The following CAPRIN1 variants were observed in gnomAD, a reference collection of about 807,000 sequenced individuals.
CAPRIN1 encodes the protein cell cycle associated protein 1, also known as caprin-1.
Under a neutral mutation model 100.9 loss-of-function variants are expected in CAPRIN1, and 29 were observed. The ratio of observed to expected loss-of-function variants is 0.29; its 90% CI spans 0.21 to 0.39. CAPRIN1 has a LOEUF of 0.39. Ranked by LOEUF, CAPRIN1 falls within the 10% of genes least tolerant of loss-of-function variation. The pLI is 1.00. For missense variants in CAPRIN1, 795 were observed against 876.7 expected (o/e 0.91, Z 1.18); for synonymous variants, 338 against 307.5 (o/e 1.10, Z -1.04).
intron 4 of CAPRIN1, among the ~76,000 whole-genome samples, chr11:34,075,014 C>G (rs1186462482): frequency 6.6e-6 from 1 of 151,968 alleles, no homozygotes; most frequent in Admixed American, 6.6e-5. Flanking sequence ...TAGACCTTGC[C>G]TCAAAAAACT....
chr11:34,087,075 A>G (rs1412947179), intron 11 of CAPRIN1, among the ~76,000 whole-genome samples: 1 of 152,218 alleles, frequency 6.6e-6, no homozygotes, highest in Non-Finnish European at 1.5e-5. Flanking sequence ...AGCACTAAAT[A>G]CAGTTGGTGC....
At chr11:34,078,045 C>G (rs1203921544) in intron 6 of CAPRIN1, among the ~76,000 whole-genome samples, 1 of 152,068 alleles carries the variant, frequency 6.6e-6, no homozygotes, top group East Asian at 1.9e-4. Context: ...TATTTTCTAC[C>G]TAATCTTGTT....
intron 2 of CAPRIN1, among the ~76,000 whole-genome samples, chr11:34,062,019 T>C (rs929785365): frequency 2.6e-5 from 4 of 151,900 alleles, no homozygotes; most frequent in African/African-American, 7.3e-5. Flanking sequence ...TTAATAGTCT[T>C]TGTTTTCTGG....
At chr11:34,073,020 G>A (rs937584953) in intron 4 of CAPRIN1, among the ~76,000 whole-genome samples, 16 of 152,282 alleles carry the variant, frequency 1.1e-4, no homozygotes, top group African/African-American at 2.9e-4. Context: ...TATCTAGGCC[G>A]TGTAAGTACA....
At chr11:34,085,703 C>T (rs1851125433) in intron 9 of CAPRIN1, among the ~76,000 whole-genome samples, 1 of 152,082 alleles carries the variant, frequency 6.6e-6, no homozygotes, top group Non-Finnish European at 1.5e-5. Context: ...ACCTGAGAGG[C>T]TGAGGCAGGA....
intron 15 of CAPRIN1, chr11:34,095,856 G>A (rs1851359019): frequency 6.6e-6 from 1 of 152,198 alleles, no homozygotes; most frequent in Non-Finnish European, 1.5e-5. Context: ...GCCAATGTGA[G>A]TACCATGTGA....
intron 15 of CAPRIN1, among the ~76,000 whole-genome samples, chr11:34,093,684 A>G (rs1851307648): frequency 6.6e-6 from 1 of 152,130 alleles, no homozygotes; most frequent in African/African-American, 2.4e-5. Context: ...CCAAATGATA[A>G]AAACTAGTGG....
chr11:34,097,096 C>T, intron 16 of CAPRIN1, 100 bp from the exon 17 acceptor site: 3 of 809,508 alleles, frequency 3.7e-6, no homozygotes, highest in Non-Finnish European at 6.2e-6. Context: ...ATTAACTAGC[C>T]TGGCTTATAA....
intron 6 of CAPRIN1, among the ~76,000 whole-genome samples, chr11:34,079,275 C>G (rs1012188878): frequency 7.0e-4 from 106 of 152,230 alleles, no homozygotes; most frequent in African/African-American, 2.4e-3. Flanking sequence ...TGGTACACGC[C>G]TGTAATCTCA....
intron 9 of CAPRIN1, among the ~76,000 whole-genome samples, chr11:34,085,342 T>C (rs561063763): frequency 1.3e-5 from 2 of 152,332 alleles, no homozygotes; most frequent in African/African-American, 4.8e-5. Flanking sequence ...CAAATCTTGA[T>C]GATAATAATA....
At chr11:34,088,128 C>G (rs1216433524) in intron 11 of CAPRIN1, among the ~76,000 whole-genome samples, 1 of 152,092 alleles carries the variant, frequency 6.6e-6, no homozygotes, top group African/African-American at 2.4e-5. Flanking sequence ...TCAGCCTCCC[C>G]AGTAGCTGAA....
At chr11:34,067,988 A>T (rs997316851) in intron 2 of CAPRIN1, among the ~76,000 whole-genome samples, 2 of 152,186 alleles carry the variant, frequency 1.3e-5, no homozygotes, top group Non-Finnish European at 2.9e-5. Flanking sequence ...AGGGATTAAA[A>T]CCATGATTTT....
chr11:34,097,336 A>G (rs369618767), intron 17 of CAPRIN1, 40 bp downstream of exon 17: 5 of 1,417,680 alleles, frequency 3.5e-6, no homozygotes, highest in African/African-American at 2.8e-5. Flanking sequence ...TGAACTAAAT[A>G]TACCAATGAA....
intron 11 of CAPRIN1, among the ~76,000 whole-genome samples, chr11:34,088,205 A>G (rs1851189187): frequency 1.3e-5 from 2 of 151,890 alleles, no homozygotes; most frequent in Admixed American, 6.5e-5. Flanking sequence ...GGGTTTCACC[A>G]TGTTGGCCAG....
intron 2 of CAPRIN1, among the ~76,000 whole-genome samples, chr11:34,067,357 TATTTC>T (rs1341415028): frequency 6.6e-6 from 1 of 152,238 alleles, no homozygotes; most frequent in African/African-American, 2.4e-5. Context: ...TTTACATACT[TATTTC>T]CTTACAGTAA....
chr11:34,061,412 T>A (rs2134089312), intron 2 of CAPRIN1, among the ~76,000 whole-genome samples: 1 of 152,082 alleles, frequency 6.6e-6, no homozygotes, highest in South Asian at 2.1e-4. Context: ...TTCATCATGT[T>A]GCCCAGGCTG....
At chr11:34,097,810 T>C in intron 18 of CAPRIN1, 49 bp downstream of exon 18, 1 of 1,613,740 alleles carries the variant, frequency 6.2e-7, no homozygotes, top group Non-Finnish European at 8.5e-7. Flanking sequence ...GCTTCTGTTC[T>C]GGCCTTGGAA....
chr11:34,093,025 AT>A (rs927684688), intron 15 of CAPRIN1, among the ~76,000 whole-genome samples: 249 of 140,502 alleles, frequency 1.8e-3, no homozygotes, highest in Admixed American at 2.5e-3. Context: ...TGGCTGGCTA[AT>A]TTTTTTTTTT....
rs1027329661 is a variant in CAPRIN1, at chr11:34,101,871, T to C, written c.*2504T>C. The stretch of plus-strand genomic sequence containing the variant: ...TTGTCACACATGTCACTGTAGCCTC[T>C]TGGTGTAGCAAGCTCACATACAAAA... On this transcript the variant is annotated 3_prime_UTR_variant, in exon 19 of 19. Coordinates refer to ENST00000341394, the MANE Select transcript of CAPRIN1 (RefSeq NM_005898.5). Among the ~76,000 whole-genome samples, 1 of 152,212 alleles carries C rather than the reference T, an allele frequency of 6.6e-6. No homozygotes were observed. The highest frequency in any genetic ancestry group is 1.5e-5 in the Non-Finnish European group (1 of 68,018).
Sources: allele counts gnomAD v4.1 joint callset (sites outside exome capture counted in the v4.1 genomes callset), GRCh38; gene constraint gnomAD v4.1.1; transcripts MANE v1.5; gene names NCBI Gene and HGNC (gene_info 2026-07-23, HGNC 2026-07-21).